Variants in SYNPO observed in about 807,000 individuals in gnomAD.
SYNPO encodes synaptopodin.
Under a neutral mutation model 49.5 loss-of-function variants are expected in SYNPO, and 19 were observed. The observed-to-expected ratio is 0.38, with a 90% CI of 0.27 to 0.56. The LOEUF (loss-of-function observed/expected upper bound fraction) is 0.56. SYNPO is among the 20% of genes least tolerant of loss of function. SYNPO has a pLI of 0.68. For synonymous variants in SYNPO, 536 were observed against 548.0 expected (o/e 0.98, Z 0.31); for missense variants, 1,131 against 1,248.3 (o/e 0.91, Z 1.42).
the SYNPO span, among the ~76,000 whole-genome samples, chr5:150,594,601 G>A: frequency 2.6e-5 from 4 of 152,152 alleles, no homozygotes; most frequent in Admixed American, 1.3e-4. Context: ...TAAGAAGAAG[G>A]AATTGCACAG....
chr5:150,640,603 G>C, upstream of SYNPO: 4 of 972,138 alleles, frequency 4.1e-6, no homozygotes, highest in South Asian at 1.4e-4. Context: ...AGATTGGCGG[G>C]GGAGAGACTG....
chr5:150,611,088 TTTG>T (rs992106072), intron 1 of SYNPO, among the ~76,000 whole-genome samples: 9 of 152,208 alleles, frequency 5.9e-5, no homozygotes, highest in African/African-American at 2.2e-4. Flanking sequence ...TCTGTTAAGA[TTTG>T]TTATGTTCAT....
rs1415343330 is a variant in SYNPO, at chr5:150,657,450, A to T, written c.*363A>T. ...CTCTCTCTCACACACACACACACAC[A>T]CACACACACACACACACACACACAC... On this transcript the variant is annotated 3_prime_UTR_variant, in exon 3 of 3. Transcript: ENST00000307662. The T allele has an allele frequency of 3.8e-4, 84 of 221,120 alleles. No individual in the cohort carries two copies. The highest frequency in any genetic ancestry group is 1.6e-3 in the African/African-American group (69 of 43,540). 13.7% of individuals were successfully genotyped at this position (221,120 alleles called of 1,614,324 possible).
upstream of SYNPO, among the ~76,000 whole-genome samples, chr5:150,600,586 A>T (rs1170901629): frequency 1.3e-5 from 2 of 152,152 alleles, no homozygotes; most frequent in Non-Finnish European, 2.9e-5. Context: ...CTTAACACTC[A>T]GGGATCTGGC....
intron 2 of SYNPO, among the ~76,000 whole-genome samples, chr5:150,634,046 A>G (rs1203697023): frequency 6.6e-6 from 1 of 152,220 alleles, no homozygotes; most frequent in Non-Finnish European, 1.5e-5. Context: ...ACTGTGTGAA[A>G]GTCTGTATTC....
chr5:150,606,661 T>C (rs549964412), intron 1 of SYNPO, among the ~76,000 whole-genome samples: 1 of 152,240 alleles, frequency 6.6e-6, no homozygotes, highest in Admixed American at 6.5e-5. Context: ...TTTTCTCAGG[T>C]CCAGGGAGGG....
intron 1 of SYNPO, among the ~76,000 whole-genome samples, chr5:150,608,869 A>G (rs888269889): frequency 1.3e-5 from 2 of 152,220 alleles, no homozygotes; most frequent in Admixed American, 1.3e-4. Context: ...CCTTAGGGGC[A>G]CCAGCTCCGG....
chr5:150,636,577 G>A (rs1223321933), upstream of SYNPO, among the ~76,000 whole-genome samples: 1 of 152,192 alleles, frequency 6.6e-6, no homozygotes, highest in African/African-American at 2.4e-5. Context: ...TGGAGGGCAG[G>A]ACTGCATGAT....
intron 2 of SYNPO, among the ~76,000 whole-genome samples, chr5:150,633,756 G>A (rs1360207020): frequency 2.6e-5 from 4 of 152,190 alleles, no homozygotes; most frequent in Non-Finnish European, 4.4e-5. Flanking sequence ...CTCTATCTCT[G>A]ATGGATGAAA....
upstream of SYNPO, chr5:150,640,137 G>A (rs377577449): frequency 5.1e-6 from 5 of 985,444 alleles, no homozygotes; most frequent in African/African-American, 8.7e-5. Flanking sequence ...GGCATGTGGT[G>A]AGTATACCCT....
chr5:150,651,350 T>C (rs778925293), intron 2 of SYNPO: 5 of 1,000,384 alleles, frequency 5.0e-6, no homozygotes, highest in Admixed American at 6.1e-5. Flanking sequence ...CACATTCTCT[T>C]TGGGCCTCAG....
the SYNPO span, among the ~76,000 whole-genome samples, chr5:150,595,172 T>A: frequency 6.6e-6 from 1 of 152,218 alleles, no homozygotes; most frequent in African/African-American, 2.4e-5. Context: ...ACCTGGGGAT[T>A]AAGCAAGAAC....
intron 1 of SYNPO, among the ~76,000 whole-genome samples, chr5:150,609,492 AC>A (rs1365581588): frequency 6.6e-6 from 1 of 152,048 alleles, no homozygotes; most frequent in East Asian, 1.9e-4. Flanking sequence ...ATGGGGTTTC[AC>A]CATGTTGGCC....
At chr5:150,635,829 G>A (rs1390090176), upstream of SYNPO, among the ~76,000 whole-genome samples, 1 of 152,156 alleles carries the variant, frequency 6.6e-6, no homozygotes. Flanking sequence ...CCAGGTATGA[G>A]CCTGCCTCAG....
chr5:150,626,599 T>C (rs1378952187), intron 2 of SYNPO, among the ~76,000 whole-genome samples: 4 of 152,058 alleles, frequency 2.6e-5, no homozygotes, highest in Non-Finnish European at 5.9e-5. Context: ...TTTAACTCCT[T>C]CCCTCCCTAG....
rs1758633034 is a variant in SYNPO at position 150,657,864 on chromosome 5, T to C, written c.*777T>C. On this transcript the variant is annotated 3_prime_UTR_variant, in exon 3 of 3. Coordinates refer to ENST00000307662, the MANE Select transcript of SYNPO (RefSeq NM_007286.6). ...CCAGTTCAGACTGTCCAGGACATCTTATCTGCAGCCATAAGAGAATTATAA... is the reference window on the plus strand; with the variant it reads ...CCAGTTCAGACTGTCCAGGACATCTCATCTGCAGCCATAAGAGAATTATAA... 6.6e-6 allele frequency: 1 copy of C among 152,392 alleles called. No individual in the cohort carries two copies. The highest frequency in any genetic ancestry group is 6.5e-5 in the Admixed American group (1 of 15,290). The allele number at this position is 152,392 out of a possible 1,614,324, so 9.4% of individuals were successfully genotyped here.
chr5:150,636,937 G>A (rs1757736802), upstream of SYNPO, among the ~76,000 whole-genome samples: 2 of 152,082 alleles, frequency 1.3e-5, no homozygotes, highest in Admixed American at 1.3e-4. Flanking sequence ...CGCAGAGGTG[G>A]GTGTGTGCAA....
rs1758594843 is a variant in SYNPO, at chr5:150,656,976, C to T, written c.2601C>T (p.Ser867=). ...ACGTGTCCCTCGACTCCGAGGACTC[C>T]GGGGCTAAGTCTCCAGGCATCCTGG... ...DSDVSLDSED[S]GAKSPGILGY... is the part of the protein sequence containing the mutation. The change falls in exon 3 of 3, where the codon TCC becomes TCT. Residue 867 remains serine (S), a synonymous_variant. Transcript: ENST00000307662. 3 of 1,595,430 alleles carry T rather than the reference C, an allele frequency of 1.9e-6. No homozygotes were observed. Among genetic ancestry groups the T allele is most frequent in the Non-Finnish European group, 2.6e-6 (3 of 1,171,908 alleles).
intron 1 of SYNPO, among the ~76,000 whole-genome samples, chr5:150,603,376 G>GC (rs923916706): frequency 4.6e-5 from 7 of 152,214 alleles, no homozygotes; most frequent in African/African-American, 1.7e-4. Flanking sequence ...TTCTGGGGGG[G>GC]CCCCTTGGCA....
Sources: allele counts gnomAD v4.1 joint callset (sites outside exome capture counted in the v4.1 genomes callset), GRCh38; gene constraint gnomAD v4.1.1; transcripts MANE v1.5; gene names NCBI Gene and HGNC (gene_info 2026-07-23, HGNC 2026-07-21).